The following NEB variants were observed in gnomAD, a reference collection of about 807,000 sequenced individuals.
The protein encoded by NEB is nemaline myopathy type 2.
NEB carries 512 observed loss-of-function variants against 952.2 expected under a neutral mutation model. That is an observed-to-expected ratio of 0.54 (90% confidence interval 0.50 to 0.58). NEB has a LOEUF of 0.58. Ranked by LOEUF, NEB falls within the 20% of genes least tolerant of loss-of-function variation. NEB has a pLI of 0.00. For missense variants in NEB, 8,428 were observed against 9,231.1 expected, an observed-to-expected ratio of 0.91 and a Z score of 3.56; for synonymous variants, 2,900 against 3,149.8, an observed-to-expected ratio of 0.92 and a Z score of 2.66.
At chr2:151,718,117 T>A (rs2099764551) in intron 9 of NEB, among the ~76,000 whole-genome samples, 1 of 152,144 alleles carries the variant, frequency 6.6e-6, no homozygotes, top group Non-Finnish European at 1.5e-5. Context: ...CCTCCCAAAG[T>A]GCTGGGATTA....
At chr2:151,524,781 C>T (rs2084588711) in intron 151 of NEB, among the ~76,000 whole-genome samples, 165 bp from the exon 152 acceptor site, 1 of 147,498 alleles carries the variant, frequency 6.8e-6, no homozygotes, top group South Asian at 2.1e-4. Flanking sequence ...ATTCTTCTGC[C>T]TCAGCCTCCC....
chr2:151,534,386 G>A, intron 142 of NEB: 2 of 1,366,616 alleles, frequency 1.5e-6, no homozygotes, highest in African/African-American at 1.4e-5. Context: ...ATGTCTCAAG[G>A]TAAACACTCC....
At position 151,567,429 on chromosome 2, in the gene NEB, G is replaced by GGA; in HGVS notation, c.17894_17895insTC (p.Thr5967ArgfsTer3). On this transcript the variant is annotated frameshift_variant, in exon 114 of 182. Transcript: ENST00000397345. LOFTEE classifies it high-confidence loss of function. The stretch of plus-strand genomic sequence containing the variant: ...GCTTAGGATCATCTCTCATCGTCGG[G>GGA]ACACCAACATAATGACCTTTTTGCT... 1 of 1,613,444 alleles carries GGA rather than the reference G, an allele frequency of 6.2e-7. No individual in the cohort carries two copies. Among genetic ancestry groups the GGA allele is most frequent in the Non-Finnish European group, 8.5e-7 (1 of 1,179,682 alleles).
chr2:151,527,152 C>T (rs2086694729), intron 147 of NEB, 130 bp from the exon 148 acceptor site: 2 of 657,550 alleles, frequency 3.0e-6, no homozygotes. Flanking sequence ...AGGAGAAGAG[C>T]TTCTTGGTCC....
In NEB at chr2:151,650,355, A is replaced by C; in HGVS notation, c.7252T>G (p.Trp2418Gly). The C allele has an allele frequency of 6.2e-7, 1 of 1,613,832 alleles. No individual in the cohort carries two copies. The highest frequency in any genetic ancestry group is 8.5e-7 in the Non-Finnish European group (1 of 1,179,818). ...GGACTCCATCCTATGCCTCTCAGCC[A>C]CTCAAGGTCAGATTTATATAGATTC... ...SENLYKSDLEWLRGIGWSPLG... is the reference protein window; with the variant it reads ...SENLYKSDLEGLRGIGWSPLG... Residue 2418 changes from tryptophan to glycine, a missense_variant, in exon 54 of 182, where the codon TGG (tryptophan) becomes GGG (glycine). Transcript: ENST00000397345.
At chr2:151,716,047 C>G (rs1392594976) in intron 10 of NEB, 1 of 331,526 alleles carries the variant, frequency 3.0e-6, no homozygotes, top group Non-Finnish European at 6.0e-6. Flanking sequence ...TCTAAATGAC[C>G]ACTTGAAAAC....
At chr2:151,523,257 A>T (rs1377283129) in intron 153 of NEB, among the ~76,000 whole-genome samples, 3 of 152,212 alleles carry the variant, frequency 2.0e-5, no homozygotes, top group Non-Finnish European at 4.4e-5. Flanking sequence ...AATATGTTAC[A>T]TAGGAATTTT....
At chr2:151,494,294 GAGTTAAC>G in intron 173 of NEB, 41 bp from the exon 174 acceptor site, 1 of 1,353,962 alleles carries the variant, frequency 7.4e-7, no homozygotes, top group South Asian at 1.3e-5. Context: ...AAAAGAAAAA[GAGTTAAC>G]AGTTACCAAA....
chr2:151,637,004 G>A (rs1396389318), intron 63 of NEB, among the ~76,000 whole-genome samples: 1 of 152,140 alleles, frequency 6.6e-6, no homozygotes, highest in Non-Finnish European at 1.5e-5. Context: ...AGGCTTAACT[G>A]TTGATCATGG....
chr2:151,575,037 G>A (rs1021754065), intron 107 of NEB, among the ~76,000 whole-genome samples: 18 of 152,148 alleles, frequency 1.2e-4, no homozygotes, highest in African/African-American at 4.3e-4. Context: ...ACCATGCCCA[G>A]CTGGTCTATA....
chr2:151,655,514 G>T, intron 50 of NEB, 140 bp from the exon 51 acceptor site: 2 of 511,470 alleles, frequency 3.9e-6, no homozygotes, highest in Non-Finnish European at 6.6e-6. Context: ...ATTCAGAAAA[G>T]ACCCTAAAAA....
intron 168 of NEB, among the ~76,000 whole-genome samples, chr2:151,500,991 G>C (rs1426280130): frequency 2.0e-5 from 3 of 152,134 alleles, no homozygotes; most frequent in Non-Finnish European, 4.4e-5. Flanking sequence ...GATGATCCCT[G>C]TTCCTAAGGA....
chr2:151,505,460 T>G lies in NEB; in HGVS notation c.23742+18A>C. On this transcript the variant is annotated intron_variant, in intron 165 of 181. Transcript: ENST00000397345. ...GATGGCCAGTCACACAAATGGAAGC[T>G]GAGAGTATGGCCACTACCGAGCTAA... 1.2e-6 allele frequency: 2 copies of G among 1,605,128 alleles called. No homozygotes were observed. The highest frequency in any genetic ancestry group is 1.7e-6 in the Non-Finnish European group (2 of 1,172,160).
intron 71 of NEB, among the ~76,000 whole-genome samples, chr2:151,623,772 A>T (rs185184643): frequency 3.3e-5 from 5 of 152,272 alleles, no homozygotes; most frequent in Admixed American, 3.3e-4. Context: ...TGGAAGGTCA[A>T]ATACTTTATT....
intron 60 of NEB, 52 bp from the exon 61 acceptor site, chr2:151,640,718 C>T (rs2098835743): frequency 6.5e-7 from 1 of 1,541,654 alleles, no homozygotes; most frequent in South Asian, 1.2e-5. Context: ...TAGTAAAAAG[C>T]AATCACTAAG....
Position 151,501,481 on chromosome 2 carries a change from T to C in NEB, c.23931A>G (p.Ile7977Met), listed in dbSNP as rs2064492118. ...CCTTGCTCAAGTTCTCTTTGTACAA[T>C]ATCTGTGTGCACAAAACCAACAAAC... Reference protein sequence around the residue: ...VKRNQENFSSILYKENLSKGT... With the variant: ...VKRNQENFSSMLYKENLSKGT... Residue 7977 changes from isoleucine to methionine, a missense_variant and splice_region_variant, in exon 168 of 182, where the codon ATA becomes ATG. Physicochemically the swap from Ile to Met is conservative, Grantham distance 10 (BLOSUM62 1). This residue lies in a region of NEB where 3,374 missense variants were observed against 3,651.5 expected (regional missense o/e 0.92). Coordinates refer to ENST00000397345, the MANE Select transcript of NEB (RefSeq NM_001164508.2). 1 of 1,484,194 alleles carries C rather than the reference T, an allele frequency of 6.7e-7. No individual in the cohort carries two copies. Among genetic ancestry groups the C allele is most frequent in the East Asian group, 2.5e-5 (1 of 39,924 alleles). 91.9% of individuals were successfully genotyped at this position (1,484,194 alleles called of 1,614,324 possible). A position where few individuals can be genotyped will look rare whatever the true frequency, so the allele number is the denominator to read the frequency against.
intron 109 of NEB, 95 bp downstream of exon 109, chr2:151,569,986 T>C: frequency 7.3e-6 from 9 of 1,239,766 alleles, no homozygotes; most frequent in Non-Finnish European, 1.0e-5. Context: ...TGATATGAAG[T>C]CGTAAAATGA....
In NEB at chr2:151,553,807, C is replaced by G. The variant is rs1287604081; in HGVS notation, c.19626+21G>C. On this transcript the variant is annotated intron_variant, in intron 126 of 181. Transcript: ENST00000397345. ...CGTGGGGCGGGGCCGTGGAGGGGTA[C>G]TTCTTAAGTCACAGGCTTACATCGC... The G allele has an allele frequency of 1.9e-6, 3 of 1,591,214 alleles. No individual in the cohort carries two copies. In the African/African-American group the frequency reaches 4.0e-5, roughly 21 times the overall value.
chr2:151,553,688 G>T, intron 126 of NEB, 140 bp downstream of exon 126: 1 of 963,060 alleles, frequency 1.0e-6, no homozygotes, highest in Non-Finnish European at 1.5e-6. Flanking sequence ...AGACAGCTCT[G>T]AAGTCAAGTT....
Sources: gnomAD v4.1 joint callset for allele counts (sites outside exome capture counted in the v4.1 genomes callset) on GRCh38, gnomAD v4.1.1 for gene constraint, gnomAD v4.1.1 regional missense constraint, MANE v1.5 for transcripts, NCBI Gene and HGNC (gene_info 2026-07-23, HGNC 2026-07-21) for gene names.